ATP4B: variants seen among roughly 807,000 people sequenced by gnomAD.
The protein encoded by ATP4B is ATPase H+/K+ transporting subunit beta.
A neutral mutation model predicts 35.3 loss-of-function variants in ATP4B; 27 were observed. The observed-to-expected ratio is 0.76, with a 90% CI of 0.56 to 1.05. The LOEUF (loss-of-function observed/expected upper bound fraction) is 1.05, where lower values mean the gene tolerates loss of function less well. ATP4B is among the 50% of genes least tolerant of loss of function. The pLI, the probability that ATP4B is intolerant of heterozygous loss-of-function variation, is 0.00. For synonymous variants in ATP4B, 162 were observed against 156.0 expected (o/e 1.04, Z -0.29); for missense variants, 375 against 384.8 (o/e 0.97, Z 0.21).
Position 113,650,622 on chromosome 13 carries a change from A to G in ATP4B, c.613-115T>C. 1 of 679,934 alleles carries G rather than the reference A, an allele frequency of 1.5e-6. No homozygotes were observed. Among genetic ancestry groups the G allele is most frequent in the Non-Finnish European group, 2.5e-6 (1 of 400,070 alleles). 42.1% of individuals were successfully genotyped at this position (679,934 alleles called of 1,614,324 possible). On this transcript the variant is annotated intron_variant, in intron 5 of 6. Coordinates refer to ENST00000335288, the MANE Select transcript of ATP4B (RefSeq NM_000705.4). This position sits in a 1 kb window ranked among gnomAD's most constrained non-coding sequence, Gnocchi z 5.0. ...GCGCTGTGTAGGTGCTTGCATAAACACTTTATTGCATACTTAGCATAAATC... is the reference window on the plus strand; with the variant it reads ...GCGCTGTGTAGGTGCTTGCATAAACGCTTTATTGCATACTTAGCATAAATC...
rs1391694350 is a variant in ATP4B at position 113,658,114 on chromosome 13, C to T, written c.31G>A (p.Gly11Ser). 1.2e-6 allele frequency: 2 copies of T among 1,612,876 alleles called. No individual in the cohort carries two copies. The highest frequency in any genetic ancestry group is 1.7e-5 in the Admixed American group (1 of 59,950). ...CGCTGGAACTCCTCCATGCGCTGGC[C>T]ACACGTCTTCTTCTCCTGCAGAGCC... MAALQEKKTC[G>S]QRMEEFQRYC... Residue 11 changes from glycine to serine, a missense_variant, in exon 1 of 7, where the codon GGC becomes AGC. Transcript: ENST00000335288.
Position 113,648,868 on chromosome 13 carries a change from T to A in ATP4B, c.*506A>T, listed in dbSNP as rs1488970341. The A allele has an allele frequency of 6.6e-6, 1 of 152,270 alleles. No homozygotes were observed. The highest frequency in any genetic ancestry group is 2.4e-5 in the African/African-American group (1 of 41,462). 9.4% of individuals were successfully genotyped at this position (152,270 alleles called of 1,614,324 possible). A position where few individuals can be genotyped will look rare whatever the true frequency, so the allele number is the denominator to read the frequency against. ...TATCAGGAAACACGATTTCTTTTTTTACATACAATAAGAGTAACTTTAATA... is the reference window on the plus strand; with the variant it reads ...TATCAGGAAACACGATTTCTTTTTTAACATACAATAAGAGTAACTTTAATA... On this transcript the variant is annotated 3_prime_UTR_variant, in exon 7 of 7. Transcript: ENST00000335288.
intron 3 of ATP4B, 83 bp from the exon 4 acceptor site, chr13:113,653,155 A>T (rs1261898912): frequency 1.3e-6 from 2 of 1,503,332 alleles, no homozygotes; most frequent in Admixed American, 1.9e-5. Flanking sequence ...GCAAGCCCTG[A>T]GTGCGAGTTT....
chr13:113,656,382 G>A (rs1022772109), intron 1 of ATP4B, among the ~76,000 whole-genome samples: 1 of 152,200 alleles, frequency 6.6e-6, no homozygotes, highest in Middle Eastern at 3.2e-3. Context: ...TCTCCCCAGT[G>A]GCTGCTGACC....
chr13:113,657,225 C>T (rs968458815), intron 1 of ATP4B, among the ~76,000 whole-genome samples: 6 of 152,136 alleles, frequency 3.9e-5, no homozygotes, highest in Non-Finnish European at 5.9e-5. Flanking sequence ...AGCCGGGCAC[C>T]GTGGGAATTG....
Position 113,658,190 on chromosome 13 carries a change from G to T in ATP4B, c.-46C>A. On this transcript the variant is annotated 5_prime_UTR_variant, in exon 1 of 7. Transcript: ENST00000335288. ...CCCGTCTGCTCCCTGCACCCTCTAC[G>T]CCCAGACTGAGGCCAGATGCCCACC... is the stretch of plus-strand genomic sequence containing the variant. The T allele has an allele frequency of 6.4e-7, 1 of 1,551,760 alleles. No individual in the cohort carries two copies.
chr13:113,656,764 G>A (rs963432792), intron 1 of ATP4B, among the ~76,000 whole-genome samples: 2 of 152,086 alleles, frequency 1.3e-5, no homozygotes, highest in Admixed American at 6.5e-5. Context: ...CATGTCTACC[G>A]GCCAGGCAGT....
At chr13:113,657,024 A>G (rs372457751) in intron 1 of ATP4B, among the ~76,000 whole-genome samples, 250 of 152,292 alleles carry the variant, frequency 1.6e-3, no homozygotes, top group African/African-American at 5.6e-3. Flanking sequence ...AAATGCGCCC[A>G]TGACTCCAGC....
intron 1 of ATP4B, 60 bp downstream of exon 1, chr13:113,657,973 A>G: frequency 1.4e-6 from 2 of 1,381,478 alleles, no homozygotes; most frequent in South Asian, 1.3e-5. Flanking sequence ...GCTCACCTGG[A>G]GGCTGCGTCC....
chr13:113,657,599 CG>C (rs2140707077), intron 1 of ATP4B, among the ~76,000 whole-genome samples: 1 of 152,338 alleles, frequency 6.6e-6, no homozygotes, highest in South Asian at 2.1e-4. Context: ...TGGACGCCAG[CG>C]GGTGTCCCGG....
rs151216995 is a variant in ATP4B at position 113,650,293 on chromosome 13, A to C, written c.714+113T>G. 342 of 1,017,854 alleles carry C rather than the reference A, an allele frequency of 3.4e-4. No individual in the cohort carries two copies. The African/African-American group carries it at 4.8e-3, about 14-fold the overall frequency. 63.1% of individuals were successfully genotyped at this position (1,017,854 alleles called of 1,614,324 possible). A position where few individuals can be genotyped will look rare whatever the true frequency, so the allele number is the denominator to read the frequency against. On this transcript the variant is annotated intron_variant, in intron 6 of 6. Transcript: ENST00000335288. This position sits in a 1 kb window ranked among gnomAD's most constrained non-coding sequence, Gnocchi z 5.0. Reference sequence around the variant, plus strand: ...CAGAACGTTCCAGTCAGGACCGGCTAAGTCACACCTTTGTTTCATTTTTCT... The same window carrying C: ...CAGAACGTTCCAGTCAGGACCGGCTCAGTCACACCTTTGTTTCATTTTTCT...
rs758005004 is a variant in ATP4B at position 113,654,864 on chromosome 13, T to C, written c.191A>G (p.Gln64Arg). Residue 64 changes from glutamine (Q) to arginine (R), a missense_variant, in exon 2 of 7, where the codon CAG (glutamine) becomes CGG (arginine). Transcript: ENST00000335288. ...LFALCLYVLM[Q>R]TVDPYTPDYQ... The stretch of plus-strand genomic sequence containing the variant: ...GTCCGGTGTGTACGGGTCCACTGTC[T>C]GCATCAGCACATAGAGGCACAGGGC... 8 of 1,613,748 alleles carry C rather than the reference T, an allele frequency of 5.0e-6. No individual in the cohort carries two copies. Among genetic ancestry groups the C allele is most frequent in the Non-Finnish European group, 6.8e-6 (8 of 1,180,038 alleles).
At chr13:113,653,886 G>A (rs115956774) in intron 2 of ATP4B, among the ~76,000 whole-genome samples, 2 of 152,250 alleles carry the variant, frequency 1.3e-5, no homozygotes, top group African/African-American at 2.4e-5. Flanking sequence ...ACGCAGAGCC[G>A]TCGACTTTCC....
At position 113,650,506 on chromosome 13, in the gene ATP4B, T is replaced by C. The variant is rs1319944774; in HGVS notation, c.614A>G (p.Asp205Gly). The C allele has an allele frequency of 2.5e-6, 4 of 1,610,574 alleles. No individual in the cohort carries two copies. Residue 205 changes from aspartate (D) to glycine (G), a missense_variant and splice_region_variant, in exon 6 of 7, where the codon GAC (aspartate) becomes GGC (glycine). By Grantham distance (94) the Asp-to-Gly change is moderately conservative. Transcript: ENST00000335288. The surrounding 1 kb of genome is among the most constrained non-coding windows in gnomAD (Gnocchi z 5.0). ...SAPRVDCAFL[D>G]QPRELGQPLQ... ...CGGCTGGCCGAGCTCGCGGGGCTGG[T>C]CCTGGGGAGGAGAGGCCACTGCCTG... is the stretch of plus-strand genomic sequence containing the variant.
chr13:113,650,356 G>T lies in ATP4B; in HGVS notation c.714+50C>A. ...TTATTGCTTTCCTTTCGCTAAGTGTGAGAGGACTCAGCAGCTGTGGTGAGG... is the reference window on the plus strand; with the variant it reads ...TTATTGCTTTCCTTTCGCTAAGTGTTAGAGGACTCAGCAGCTGTGGTGAGG... On this transcript the variant is annotated intron_variant, in intron 6 of 6. Coordinates refer to ENST00000335288, the MANE Select transcript of ATP4B (RefSeq NM_000705.4). This position sits in a 1 kb window ranked among gnomAD's most constrained non-coding sequence, Gnocchi z 5.0. The T allele has an allele frequency of 6.5e-7, 1 of 1,541,646 alleles. No homozygotes were observed. Among genetic ancestry groups the T allele is most frequent in the Non-Finnish European group, 9.0e-7 (1 of 1,115,058 alleles).
At chr13:113,653,166 C>G in intron 3 of ATP4B, 94 bp from the exon 4 acceptor site, 1 of 1,474,556 alleles carries the variant, frequency 6.8e-7, no homozygotes, top group Non-Finnish European at 9.2e-7. Flanking sequence ...GTGCGAGTTT[C>G]TCATGAAATA....
At position 113,655,609 on chromosome 13, in the gene ATP4B, G is replaced by T. The variant is rs557676059; in HGVS notation, c.113-667C>A. Among the ~76,000 whole-genome samples the T allele has an allele frequency of 4.1e-4, 62 of 152,240 alleles. 1 individual carries two copies. The highest frequency in any genetic ancestry group is 7.8e-4 in the Non-Finnish European group (53 of 68,050). The stretch of plus-strand genomic sequence containing the variant: ...GGCCATGGGCGGCTCCTGGACACAG[G>T]CGACTGCCTGTGTGCTGTCTTCGTC... On this transcript the variant is annotated intron_variant, in intron 1 of 6. Transcript: ENST00000335288.
chr13:113,655,997 G>C (rs1371519149), intron 1 of ATP4B, among the ~76,000 whole-genome samples: 2 of 152,228 alleles, frequency 1.3e-5, no homozygotes, highest in Non-Finnish European at 2.9e-5. Context: ...CTCAGGGCTG[G>C]GTCTTGCTCA....
intron 1 of ATP4B, among the ~76,000 whole-genome samples, chr13:113,657,440 G>A (rs543903689): frequency 1.3e-5 from 2 of 152,348 alleles, no homozygotes; most frequent in South Asian, 2.1e-4. Flanking sequence ...TGTGGCCTTG[G>A]AGGCCCAGGC....
Sources: allele counts gnomAD v4.1 joint callset (sites outside exome capture counted in the v4.1 genomes callset), GRCh38; gene constraint gnomAD v4.1.1; non-coding constraint Gnocchi (gnomAD v3.1); transcripts MANE v1.5; gene names NCBI Gene and HGNC (gene_info 2026-07-23, HGNC 2026-07-21).